The following SLC9A6 variants were observed in gnomAD, a reference collection of about 807,000 sequenced individuals.
The protein encoded by SLC9A6 is solute carrier family 9 member A6, also known as sodium/hydrogen exchanger 6.
A neutral mutation model predicts 45.3 loss-of-function variants in SLC9A6; 6 were observed. The ratio of observed to expected loss-of-function variants is 0.13; its 90% confidence interval spans 0.07 to 0.26. The LOEUF (loss-of-function observed/expected upper bound fraction) is 0.26. Among genes scored for constraint, SLC9A6 ranks in the 10% least tolerant of loss-of-function variants. SLC9A6 has a pLI of 1.00. For missense variants in SLC9A6, 278 were observed against 503.7 expected (o/e 0.55, Z 4.29); for synonymous variants, 191 against 187.7 (o/e 1.02, Z -0.14).
At chrX:136,038,088 A>G (rs2071441861) in intron 16 of SLC9A6, among the ~76,000 whole-genome samples, 1 of 111,737 alleles carries the variant, frequency 8.9e-6, no homozygotes, top group Admixed American at 9.5e-5. Flanking sequence ...AAGTGATGAT[A>G]CAGGACATTC....
Position 136,040,122 on chromosome X carries a change from A to G in SLC9A6, c.1708A>G (p.Thr570Ala), listed in dbSNP as rs782405562. The G allele has an allele frequency of 8.3e-7, 1 of 1,209,215 alleles. No individual in the cohort carries two copies. Among genetic ancestry groups the G allele is most frequent in the African/African-American group, 1.7e-5 (1 of 57,203 alleles). ...CCACAGCGGGCCTCCGCTGACAACA[A>G]CACTCCCTGCCTGCTGTGGACCCAT... ...LTHSGPPLTTTLPACCGPIAR... is the reference protein window; with the variant it reads ...LTHSGPPLTTALPACCGPIAR... Residue 570 changes from threonine to alanine, a missense_variant, in exon 17 of 18, where the codon ACA becomes GCA. Coordinates refer to ENST00000630721, the MANE Select transcript of SLC9A6 (RefSeq NM_001379110.1).
rs782702372 is a variant in SLC9A6, at chrX:136,042,397, T to TG, written c.1768-2054dup. Reference sequence around the variant, plus strand: ...TTCGCCATGTCAGCCAGGCTGGTCTTGAACTCCTGACCTCAAGTGATCCAC... The same window carrying TG: ...TTCGCCATGTCAGCCAGGCTGGTCTTGGAACTCCTGACCTCAAGTGATCCAC... On this transcript the variant is annotated intron_variant, in intron 17 of 17. Coordinates refer to ENST00000630721, the MANE Select transcript of SLC9A6 (RefSeq NM_001379110.1). Among the ~76,000 whole-genome samples, 889 of 111,377 alleles carry TG rather than the reference T, an allele frequency of 8.0e-3. 11 individuals are homozygous for TG. The highest frequency in any genetic ancestry group is 0.028 in the African/African-American group (844 of 30,635).
chrX:136,004,368 C>T (rs1025213477), intron 7 of SLC9A6, among the ~76,000 whole-genome samples: 59 of 110,921 alleles, frequency 5.3e-4, no homozygotes, highest in African/African-American at 1.8e-3. Flanking sequence ...GAATTACAGG[C>T]GTGAGCCACC....
chrX:136,032,107 G>A (rs142458616), intron 15 of SLC9A6, among the ~76,000 whole-genome samples: 1,211 of 111,615 alleles, frequency 0.011, 8 homozygotes, highest in Non-Finnish European at 0.016. Flanking sequence ...TCACTCTGTC[G>A]GTCATGCTAG....
chrX:136,033,007 G>T lies in SLC9A6; in HGVS notation c.1582-407G>T, dbSNP rs782478909. 34 of 139,376 alleles carry T rather than the reference G, an allele frequency of 2.4e-4. 1 individual carries two copies. The South Asian group carries it at 6.4e-3, about 26-fold the overall frequency. 11.5% of individuals were successfully genotyped at this position (139,376 alleles called of 1,213,427 possible). ...GCCTCCTGAGTAGCTGGGATTACAG[G>T]CAGGCCCCACCACGCCTGGCTAATT... is the stretch of plus-strand genomic sequence containing the variant. On this transcript the variant is annotated intron_variant, in intron 15 of 17. Coordinates refer to ENST00000630721, the MANE Select transcript of SLC9A6 (RefSeq NM_001379110.1).
At chrX:136,018,576 G>T (rs1198652790) in intron 11 of SLC9A6, among the ~76,000 whole-genome samples, 3 of 111,727 alleles carry the variant, frequency 2.7e-5, no homozygotes, top group Middle Eastern at 4.3e-3. Flanking sequence ...GAAGGGAAGT[G>T]AGGAAAGAAG....
At chrX:136,002,667 T>G (rs1290704700) in intron 7 of SLC9A6, among the ~76,000 whole-genome samples, 1 of 109,641 alleles carries the variant, frequency 9.1e-6, no homozygotes, top group Non-Finnish European at 1.9e-5. Context: ...GTTCAAGTGA[T>G]TCTCCTGCCT....
intron 7 of SLC9A6, among the ~76,000 whole-genome samples, chrX:136,003,990 T>G (rs959581703): frequency 2.7e-4 from 30 of 110,261 alleles, no homozygotes; most frequent in African/African-American, 9.9e-4. Context: ...TTTATCTAAT[T>G]ATAGAAAGTA....
chrX:136,022,738 A>G, intron 12 of SLC9A6, 41 bp downstream of exon 12: 1 of 825,696 alleles, frequency 1.2e-6, no homozygotes. Flanking sequence ...TCAAGCAACC[A>G]TTCACAATGC....
At chrX:136,015,708 GCTTA>G (rs1265874564) in intron 10 of SLC9A6, among the ~76,000 whole-genome samples, 1 of 111,414 alleles carries the variant, frequency 9.0e-6, no homozygotes, top group Non-Finnish European at 1.9e-5. Context: ...ATAAATATAC[GCTTA>G]CTTATTTTAA....
At chrX:136,039,317 GAATA>G (rs1344492769) in intron 16 of SLC9A6, among the ~76,000 whole-genome samples, 2 of 109,733 alleles carry the variant, frequency 1.8e-5, no homozygotes, top group African/African-American at 3.3e-5. Flanking sequence ...AAAAATAAAT[GAATA>G]AATAAATAAA....
At position 135,985,643 on chromosome X, in the gene SLC9A6, C is replaced by T. The variant is rs139299794; in HGVS notation, c.-16C>T. On this transcript the variant is annotated 5_prime_UTR_variant, in exon 2 of 18. Coordinates refer to ENST00000630721, the MANE Select transcript of SLC9A6 (RefSeq NM_001379110.1). ...GGGCAGGGGCTTCGGACGGCGGCGG[C>T]GGAGAGGCTAGAGCCATGGACGAGG... The T allele has an allele frequency of 1.9e-4, 234 of 1,209,662 alleles. No individual in the cohort carries two copies. The highest frequency in any genetic ancestry group is 2.6e-4 in the Non-Finnish European group (230 of 895,044).
intron 11 of SLC9A6, among the ~76,000 whole-genome samples, chrX:136,021,920 A>G (rs2071132650): frequency 8.9e-6 from 1 of 112,397 alleles, no homozygotes; most frequent in African/African-American, 3.2e-5. Flanking sequence ...AATTGCCATC[A>G]TAAAGCAGGA....
intron 5 of SLC9A6, 116 bp downstream of exon 5, chrX:135,998,674 A>T: frequency 1.5e-6 from 1 of 655,179 alleles, no homozygotes; most frequent in Non-Finnish European, 2.4e-6. Context: ...CTTTTGCAAT[A>T]TTCACGTAGG....
intron 3 of SLC9A6, among the ~76,000 whole-genome samples, chrX:135,997,275 C>T (rs2089517010): frequency 9.1e-6 from 1 of 110,363 alleles, no homozygotes; most frequent in Non-Finnish European, 1.9e-5. Flanking sequence ...AGGCAGGTCT[C>T]AAACTCCTGA....
At chrX:136,001,140 CCTGA>C (rs1479161921) in intron 6 of SLC9A6, among the ~76,000 whole-genome samples, 3 of 110,028 alleles carry the variant, frequency 2.7e-5, no homozygotes, top group Non-Finnish European at 5.7e-5. Flanking sequence ...TTGAGACCAT[CCTGA>C]CTAACACGGT....
At chrX:135,987,356 T>C (rs998232197) in intron 2 of SLC9A6, among the ~76,000 whole-genome samples, 3 of 112,197 alleles carry the variant, frequency 2.7e-5, no homozygotes, top group Admixed American at 9.5e-5. Flanking sequence ...TGTATTATGC[T>C]CAGAAAATAC....
chrX:136,040,547 G>A (rs2071490518), intron 17 of SLC9A6, among the ~76,000 whole-genome samples: 1 of 111,505 alleles, frequency 9.0e-6, no homozygotes, highest in African/African-American at 3.3e-5. Flanking sequence ...TACATTTTGA[G>A]GATTTTAAAA....
intron 2 of SLC9A6, among the ~76,000 whole-genome samples, chrX:135,994,161 G>A (rs1400248426): frequency 9.4e-6 from 1 of 106,847 alleles, no homozygotes; most frequent in East Asian, 3.0e-4. Flanking sequence ...CTGGAGTGAA[G>A]TGGCATGATC....
Sources: gnomAD v4.1 joint callset for allele counts (sites outside exome capture counted in the v4.1 genomes callset) on GRCh38, gnomAD v4.1.1 for gene constraint, MANE v1.5 for transcripts, NCBI Gene and HGNC (gene_info 2026-07-23, HGNC 2026-07-21) for gene names.